The following TAF1B variants were observed in gnomAD, a reference collection of about 807,000 sequenced individuals.
TAF1B encodes the protein TATA-box binding protein associated factor, RNA polymerase I subunit B, also known as TATA box-binding protein-associated factor RNA polymerase I subunit B.
A neutral mutation model predicts 83.9 loss-of-function variants in TAF1B; 61 were observed. The ratio of observed to expected loss-of-function variants is 0.73; its 90% CI spans 0.59 to 0.90. TAF1B has a LOEUF of 0.90. TAF1B is among the 40% of genes least tolerant of loss of function. The pLI is 0.00. For synonymous variants in TAF1B, 221 were observed against 224.6 expected (o/e 0.98, Z 0.14); for missense variants, 625 against 677.0 (o/e 0.92, Z 0.85).
chr2:9,919,776 T>G lies in TAF1B; in HGVS notation c.1521T>G (p.Thr507=). The G allele has an allele frequency of 6.2e-7, 1 of 1,614,170 alleles. No individual in the cohort carries two copies. Among genetic ancestry groups the G allele is most frequent in the Non-Finnish European group, 8.5e-7 (1 of 1,180,006 alleles). The change falls in exon 14 of 15, where the codon ACT becomes ACG. Residue 507 remains threonine (T), a synonymous_variant. Coordinates refer to ENST00000263663, the MANE Select transcript of TAF1B (RefSeq NM_005680.3). ...AAGAGAAAGGCCAATCACTGCTGAC[T>G]AAGAATTCATTATATTGGCTTAGTA... ...VLKEKGQSLL[T]KNSLYWLSTQ...
chr2:9,869,264 A>C (rs1024674377), intron 6 of TAF1B, among the ~76,000 whole-genome samples: 2 of 151,976 alleles, frequency 1.3e-5, no homozygotes, highest in Non-Finnish European at 2.9e-5. Flanking sequence ...TAGTTCTGTC[A>C]CCCAGGCTGG....
At chr2:9,891,320 T>C (rs1250825803) in intron 8 of TAF1B, among the ~76,000 whole-genome samples, 1 of 152,228 alleles carries the variant, frequency 6.6e-6, no homozygotes, top group East Asian at 1.9e-4. Flanking sequence ...TTATGTGTGA[T>C]ACAGAATACT....
intron 8 of TAF1B, among the ~76,000 whole-genome samples, chr2:9,894,833 A>G (rs1167288548): frequency 6.6e-6 from 1 of 152,192 alleles, no homozygotes; most frequent in Non-Finnish European, 1.5e-5. Context: ...AATCAAATAG[A>G]AATTATTTTG....
At chr2:9,899,047 C>G (rs1665104557) in intron 8 of TAF1B, among the ~76,000 whole-genome samples, 1 of 151,674 alleles carries the variant, frequency 6.6e-6, no homozygotes, top group Non-Finnish European at 1.5e-5. Context: ...TGTAAGTGTG[C>G]AGCTCAGTGG....
At chr2:9,857,960 C>T (rs1320811519) in intron 5 of TAF1B, among the ~76,000 whole-genome samples, 1 of 152,056 alleles carries the variant, frequency 6.6e-6, no homozygotes, top group East Asian at 1.9e-4. Flanking sequence ...CACCCCTGCC[C>T]CCTGCCAAAT....
At chr2:9,874,220 T>C (rs568098354) in intron 6 of TAF1B, among the ~76,000 whole-genome samples, 4 of 152,268 alleles carry the variant, frequency 2.6e-5, no homozygotes, top group African/African-American at 9.6e-5. Flanking sequence ...ACACTGGCCT[T>C]TTTGCTGTTC....
intron 14 of TAF1B, among the ~76,000 whole-genome samples, chr2:9,920,680 C>A (rs917232400): frequency 2.6e-5 from 4 of 152,146 alleles, no homozygotes; most frequent in Non-Finnish European, 2.9e-5. Flanking sequence ...TTTCCCCTTA[C>A]AACTAATAAA....
intron 5 of TAF1B, among the ~76,000 whole-genome samples, chr2:9,861,645 C>T (rs537095524): frequency 2.0e-5 from 3 of 152,356 alleles, no homozygotes; most frequent in South Asian, 4.1e-4. Flanking sequence ...GGCAGACTGC[C>T]TCCTCAAGTG....
chr2:9,871,741 G>A lies in TAF1B; in HGVS notation c.553+3312G>A, dbSNP rs529507849. Among the ~76,000 whole-genome samples the A allele has an allele frequency of 3.3e-5, 5 of 152,082 alleles. No homozygotes were observed. In the East Asian group the frequency reaches 7.7e-4, roughly 24 times the overall value. ...TATCATCTTTAAATCTTTTCCCCCC[G>A]AGCTGATCAGATTCCTCAGAGAAAT... On this transcript the variant is annotated intron_variant, in intron 6 of 14. Coordinates refer to ENST00000263663, the MANE Select transcript of TAF1B (RefSeq NM_005680.3).
intron 2 of TAF1B, chr2:9,846,256 G>C: frequency 2.6e-6 from 1 of 387,822 alleles, no homozygotes; most frequent in South Asian, 2.0e-5. Flanking sequence ...TTGTCATATT[G>C]TCCTGTGTAA....
chr2:9,912,652 G>A (rs1211624998), intron 11 of TAF1B, among the ~76,000 whole-genome samples: 2 of 152,148 alleles, frequency 1.3e-5, no homozygotes, highest in Non-Finnish European at 2.9e-5. Flanking sequence ...GCTGTCAGCA[G>A]GGCAAAGATC....
intron 8 of TAF1B, among the ~76,000 whole-genome samples, chr2:9,886,637 A>G (rs556220114): frequency 6.6e-6 from 1 of 152,274 alleles, no homozygotes; most frequent in African/African-American, 2.4e-5. Flanking sequence ...TCAAATAGTA[A>G]TAGATCCCAT....
chr2:9,890,029 CTCTG>C (rs56088020), intron 8 of TAF1B, among the ~76,000 whole-genome samples: 42,228 of 151,854 alleles, frequency 0.28, 6,802 homozygotes, highest in Middle Eastern at 0.4. Flanking sequence ...CTCTGGATCT[CTCTG>C]TCTATGCAAT....
At chr2:9,926,698 G>A (rs577369815) in intron 14 of TAF1B, among the ~76,000 whole-genome samples, 3 of 151,680 alleles carry the variant, frequency 2.0e-5, no homozygotes, top group African/African-American at 7.3e-5. Context: ...AATTAGCCGG[G>A]CATGGTGGTG....
chr2:9,871,433 A>C (rs1190068949), intron 6 of TAF1B, among the ~76,000 whole-genome samples: 2 of 151,818 alleles, frequency 1.3e-5, no homozygotes, highest in Non-Finnish European at 2.9e-5. Flanking sequence ...CTTTTGTTGG[A>C]ATTTTTTATT....
At chr2:9,913,518 AT>A (rs2125174380) in intron 12 of TAF1B, 1 of 285,798 alleles carries the variant, frequency 3.5e-6, no homozygotes, top group Admixed American at 5.1e-5. Context: ...ACTTTTTATA[AT>A]TTAACTTTTT....
chr2:9,868,061 G>T (rs1664049931), intron 5 of TAF1B, among the ~76,000 whole-genome samples: 1 of 152,192 alleles, frequency 6.6e-6, no homozygotes, highest in African/African-American at 2.4e-5. Context: ...CTGGCAGCCG[G>T]TTTCCTCGCC....
At chr2:9,896,989 A>G (rs1032619187) in intron 8 of TAF1B, among the ~76,000 whole-genome samples, 2 of 152,292 alleles carry the variant, frequency 1.3e-5, no homozygotes, top group South Asian at 2.1e-4. Context: ...TACTTAAATT[A>G]ATTTGGAGAT....
chr2:9,919,818 A>G lies in TAF1B; in HGVS notation c.1563A>G (p.Arg521=). 2 of 1,612,416 alleles carry G rather than the reference A, an allele frequency of 1.2e-6. No individual in the cohort carries two copies. Among genetic ancestry groups the G allele is most frequent in the Non-Finnish European group, 1.7e-6 (2 of 1,178,878 alleles). Residue 521 remains arginine (R), a splice_region_variant and synonymous_variant, in exon 14 of 15, where the codon AGA becomes AGG. Transcript: ENST00000263663. ...GGCTTAGTACACAGAAATTCTGCAG[A>G]TGGTAATAATGCTTTTAGAAAAAGT... ...LYWLSTQKFC[R]CYCTHVTTYE...
Sources: gnomAD v4.1 joint callset for allele counts (sites outside exome capture counted in the v4.1 genomes callset) on GRCh38, gnomAD v4.1.1 for gene constraint, MANE v1.5 for transcripts, NCBI Gene and HGNC (gene_info 2026-07-23, HGNC 2026-07-21) for gene names.